The following DGKI variants were observed in gnomAD, a reference collection of about 807,000 sequenced individuals.
DGKI encodes the protein DAG kinase iota.
A neutral mutation model predicts 147.5 loss-of-function variants in DGKI; 55 were observed. The observed-to-expected ratio is 0.37, with a 90% confidence interval of 0.30 to 0.47. DGKI has a LOEUF of 0.47. Ranked by LOEUF, DGKI falls within the 20% of genes least tolerant of loss-of-function variation. The pLI is 1.00. For synonymous variants in DGKI, 469 were observed against 477.1 expected (o/e 0.98, Z 0.22); for missense variants, 1,007 against 1,323.8 (o/e 0.76, Z 3.71).
chr7:137,470,847 C>T (rs1003466117), intron 23 of DGKI, among the ~76,000 whole-genome samples: 9 of 152,164 alleles, frequency 5.9e-5, no homozygotes, highest in Middle Eastern at 3.2e-3. Flanking sequence ...GGCCTCTGAC[C>T]TCCCAGCCTT....
chr7:137,452,326 G>A lies in DGKI; in HGVS notation c.2736-8224C>T, dbSNP rs1384427196. The stretch of plus-strand genomic sequence containing the variant: ...ACTATGGATGGAGTAGAAGAGGTGG[G>A]AGACACTCATCCAATTCACGGGCCT... On this transcript the variant is annotated intron_variant, in intron 27 of 32. Coordinates refer to ENST00000614521, the MANE Select transcript of DGKI (RefSeq NM_001321708.2). Among the ~76,000 whole-genome samples the A allele has an allele frequency of 2.0e-5, 3 of 152,172 alleles. No individual in the cohort carries two copies. In the East Asian group the frequency reaches 5.8e-4, roughly 29 times the overall value.
intron 1 of DGKI, among the ~76,000 whole-genome samples, chr7:137,710,543 T>C (rs903838901): frequency 2.6e-5 from 4 of 152,108 alleles, no homozygotes; most frequent in South Asian, 4.1e-4. Flanking sequence ...TTACAACAAA[T>C]GTTCCCACAA....
intron 20 of DGKI, among the ~76,000 whole-genome samples, chr7:137,551,040 C>T (rs753641760): frequency 6.6e-6 from 1 of 151,910 alleles, no homozygotes; most frequent in Non-Finnish European, 1.5e-5. Flanking sequence ...GCAGCAGGCA[C>T]GGAGGACAGG....
chr7:137,766,091 A>G (rs1796006660), intron 1 of DGKI, among the ~76,000 whole-genome samples: 1 of 152,202 alleles, frequency 6.6e-6, no homozygotes, highest in African/African-American at 2.4e-5. Context: ...TGAAGATAAG[A>G]GGAGAAAAGA....
intron 6 of DGKI, among the ~76,000 whole-genome samples, chr7:137,625,050 C>CA (rs1294768994): frequency 1.3e-5 from 2 of 152,240 alleles, no homozygotes; most frequent in Non-Finnish European, 2.9e-5. Flanking sequence ...ACCTTAACGT[C>CA]AGACTCTCCT....
rs572210364 is a variant in DGKI, at chr7:137,435,638, G to T, written c.2761+8439C>A. Reference sequence around the variant, plus strand: ...GATTCTATAGGAAAAATCTGATATGGGGCAAAAAAAAGGACACTCTAGCAA... The same window carrying T: ...GATTCTATAGGAAAAATCTGATATGTGGCAAAAAAAAGGACACTCTAGCAA... On this transcript the variant is annotated intron_variant, in intron 28 of 32. Coordinates refer to ENST00000614521, the MANE Select transcript of DGKI (RefSeq NM_001321708.2). Among the ~76,000 whole-genome samples the T allele has an allele frequency of 1.3e-4, 20 of 151,852 alleles. No individual in the cohort carries two copies. In the South Asian group the frequency reaches 3.7e-3, roughly 28 times the overall value.
At chr7:137,516,079 C>G (rs1485467619) in intron 21 of DGKI, among the ~76,000 whole-genome samples, 1 of 152,038 alleles carries the variant, frequency 6.6e-6, no homozygotes, top group Non-Finnish European at 1.5e-5. Context: ...CTCTACTGAA[C>G]AGCCCTGTTG....
At chr7:137,418,716 C>A (rs1812450288) in intron 28 of DGKI, among the ~76,000 whole-genome samples, 1 of 151,960 alleles carries the variant, frequency 6.6e-6, no homozygotes, top group South Asian at 2.1e-4. Flanking sequence ...TCAGCTAACT[C>A]TTTTTTTCCA....
rs561739807 is a variant in DGKI at position 137,415,600 on chromosome 7, T to C, written c.2762-3393A>G. Among the ~76,000 whole-genome samples the C allele has an allele frequency of 3.3e-5, 5 of 152,274 alleles. No homozygotes were observed. The South Asian group carries it at 1.0e-3, about 32-fold the overall frequency. The stretch of plus-strand genomic sequence containing the variant: ...GTTCTCCTGACTGAAGCAGAATGTC[T>C]CTAATAGGAGAGAAAGAAGGTTAGG... On this transcript the variant is annotated intron_variant, in intron 28 of 32. Transcript: ENST00000614521.
chr7:137,406,964 T>C (rs1234580012), intron 30 of DGKI, among the ~76,000 whole-genome samples: 1 of 120,198 alleles, frequency 8.3e-6, no homozygotes, highest in Non-Finnish European at 1.8e-5. Context: ...AAAAAGGATG[T>C]GAATGTTTAT....
At chr7:137,664,444 A>G (rs969903843) in intron 3 of DGKI, among the ~76,000 whole-genome samples, 4 of 152,086 alleles carry the variant, frequency 2.6e-5, no homozygotes, top group African/African-American at 9.7e-5. Flanking sequence ...AAAAGAAAGC[A>G]TAGAGGCTGC....
chr7:137,430,615 A>G (rs988045582), intron 28 of DGKI, among the ~76,000 whole-genome samples: 17 of 152,082 alleles, frequency 1.1e-4, no homozygotes, highest in African/African-American at 4.1e-4. Context: ...CTTAATATGT[A>G]TATACTTATA....
intron 21 of DGKI, among the ~76,000 whole-genome samples, chr7:137,500,661 T>C (rs1000054905): frequency 3.3e-5 from 5 of 151,816 alleles, no homozygotes; most frequent in African/African-American, 1.2e-4. Flanking sequence ...TGAGACTGAA[T>C]TGCCCAAAGC....
chr7:137,677,361 C>T (rs58042762), intron 3 of DGKI, among the ~76,000 whole-genome samples: 8,107 of 152,262 alleles, frequency 0.053, 711 homozygotes, highest in African/African-American at 0.19. Context: ...AGCAGTAACA[C>T]TGAGATTCAG....
intron 1 of DGKI, among the ~76,000 whole-genome samples, chr7:137,794,183 T>C (rs1585501225): frequency 1.3e-5 from 2 of 152,318 alleles, no homozygotes; most frequent in East Asian, 3.9e-4. Context: ...GGTTGGCCCA[T>C]GTTCTTTCAT....
chr7:137,724,203 A>G (rs1482013374), intron 1 of DGKI, among the ~76,000 whole-genome samples: 4 of 152,194 alleles, frequency 2.6e-5, no homozygotes, highest in Non-Finnish European at 5.9e-5. Context: ...GTTGGACCTC[A>G]GCAAGCGAGG....
At chr7:137,684,846 G>C (rs909838340) in intron 2 of DGKI, among the ~76,000 whole-genome samples, 1 of 152,164 alleles carries the variant, frequency 6.6e-6, no homozygotes, top group South Asian at 2.1e-4. Context: ...GATGAAGAGG[G>C]GGGCCTGACG....
intron 1 of DGKI, among the ~76,000 whole-genome samples, chr7:137,843,998 T>C (rs1383027708): frequency 6.6e-6 from 1 of 152,034 alleles, no homozygotes; most frequent in Admixed American, 6.5e-5. Context: ...CTGCCTCCTC[T>C]CCATAAGCTC....
chr7:137,700,878 C>CAAATAAATAAATAAAT (rs143983872), intron 1 of DGKI, among the ~76,000 whole-genome samples: 1 of 146,636 alleles, frequency 6.8e-6, no homozygotes, highest in African/African-American at 2.5e-5. Context: ...AGCTCCGTCT[C>CAAATAAATAAATAAAT]AAATAAATAA....
Sources: allele counts gnomAD v4.1 joint callset (sites outside exome capture counted in the v4.1 genomes callset), GRCh38; gene constraint gnomAD v4.1.1; transcripts MANE v1.5; gene names NCBI Gene and HGNC (gene_info 2026-07-23, HGNC 2026-07-21).